The following PTBP3 variants were observed in gnomAD, a reference collection of about 807,000 sequenced individuals.
PTBP3 encodes polypyrimidine tract-binding protein 3.
In PTBP3, 20 loss-of-function variants were observed where a neutral mutation model predicts 58.7. The ratio of observed to expected loss-of-function variants is 0.34; its 90% CI spans 0.24 to 0.50. PTBP3 has a LOEUF of 0.50. Among genes scored for constraint, PTBP3 ranks in the 20% least tolerant of loss-of-function variants. The pLI is 0.98. For synonymous variants in PTBP3, 185 were observed against 219.8 expected, an observed-to-expected ratio of 0.84 and a Z score of 1.40; for missense variants, 509 against 637.2, an observed-to-expected ratio of 0.80 and a Z score of 2.17.
chr9:112,277,054 A>C (rs181911329), intron 2 of PTBP3, among the ~76,000 whole-genome samples: 4 of 152,312 alleles, frequency 2.6e-5, no homozygotes, highest in Non-Finnish European at 5.9e-5. Flanking sequence ...CTGTAACCCT[A>C]AACAAATTTC....
intron 2 of PTBP3, among the ~76,000 whole-genome samples, chr9:112,292,423 CT>C (rs1239169713): frequency 6.6e-6 from 1 of 152,150 alleles, no homozygotes; most frequent in African/African-American, 2.4e-5. Flanking sequence ...AATCTCACTT[CT>C]GGTATATACC....
chr9:112,233,845 C>T (rs186782543), intron 8 of PTBP3, among the ~76,000 whole-genome samples: 2 of 152,096 alleles, frequency 1.3e-5, no homozygotes, highest in African/African-American at 4.8e-5. Context: ...GCATGAGAAT[C>T]ATTTGAACCC....
In PTBP3 at chr9:112,290,222, CAATAG is replaced by C. The variant is rs533796890; in HGVS notation, c.34+7605_34+7609del. ...AGTTAAAGAGAAAAAGCAAACAACC[CAATAG>C]AAGAATAGGCAAAAGATCTCAGTAG... On this transcript the variant is annotated intron_variant, in intron 2 of 13. Transcript: ENST00000374257. 2.6e-3 allele frequency among the ~76,000 whole-genome samples: 392 copies of C among 152,004 alleles called. 1 individual carries two copies. The highest frequency in any genetic ancestry group is 8.9e-3 in the African/African-American group (370 of 41,442).
the PTBP3 span, among the ~76,000 whole-genome samples, chr9:112,343,270 G>A: frequency 1.3e-5 from 2 of 150,654 alleles, no homozygotes; most frequent in Non-Finnish European, 2.9e-5. Context: ...GTGCAATGGT[G>A]TGATCTCAGC....
At chr9:112,315,375 A>G (rs1468089503) in intron 1 of PTBP3, among the ~76,000 whole-genome samples, 1 of 152,184 alleles carries the variant, frequency 6.6e-6, no homozygotes, top group Admixed American at 6.5e-5. Context: ...ATAAAAAATC[A>G]TGGGCCAAAA....
chr9:112,274,359 AAC>A (rs1425490668), intron 3 of PTBP3, among the ~76,000 whole-genome samples: 2 of 152,210 alleles, frequency 1.3e-5, no homozygotes, highest in Non-Finnish European at 1.5e-5. Context: ...AAGCAGATGA[AAC>A]ACAGTAATAC....
chr9:112,339,503 ATTG>A, the PTBP3 span, among the ~76,000 whole-genome samples: 5 of 150,360 alleles, frequency 3.3e-5, no homozygotes, highest in Admixed American at 2.7e-4. Flanking sequence ...AATCTCTTGG[ATTG>A]TTGTTATTTT....
At chr9:112,250,393 C>T (rs909388827) in intron 7 of PTBP3, among the ~76,000 whole-genome samples, 5 of 152,090 alleles carry the variant, frequency 3.3e-5, no homozygotes, top group Non-Finnish European at 7.4e-5. Flanking sequence ...CTACAATTTG[C>T]AGAGACAATT....
chr9:112,267,735 G>A (rs1349464628), intron 4 of PTBP3, among the ~76,000 whole-genome samples: 2 of 150,300 alleles, frequency 1.3e-5, no homozygotes, highest in African/African-American at 4.8e-5. Context: ...TTTTGTTAGA[G>A]TCTGTAAAAA....
At chr9:112,369,464 G>T in the PTBP3 span, among the ~76,000 whole-genome samples, 1 of 152,298 alleles carries the variant, frequency 6.6e-6, no homozygotes, top group South Asian at 2.1e-4. Flanking sequence ...GCAGCTTTAA[G>T]ATTTGACTAT....
At chr9:112,378,073 T>G in the PTBP3 span, among the ~76,000 whole-genome samples, 2 of 151,036 alleles carry the variant, frequency 1.3e-5, no homozygotes, top group African/African-American at 4.9e-5. Context: ...TTATTCACCT[T>G]CCAAAATGAA....
the PTBP3 span, among the ~76,000 whole-genome samples, chr9:112,369,916 T>C: frequency 2.0e-5 from 3 of 152,124 alleles, no homozygotes; most frequent in Non-Finnish European, 4.4e-5. Context: ...TTTCTCATGA[T>C]AGTGAATAAA....
At chr9:112,263,695 C>T (rs1836688052) in intron 4 of PTBP3, among the ~76,000 whole-genome samples, 1 of 152,122 alleles carries the variant, frequency 6.6e-6, no homozygotes, top group Non-Finnish European at 1.5e-5. Flanking sequence ...GGTCCATTAG[C>T]AAAACATAAA....
chr9:112,301,953 C>T (rs1828953064), intron 1 of PTBP3, among the ~76,000 whole-genome samples: 1 of 151,948 alleles, frequency 6.6e-6, no homozygotes, highest in East Asian at 1.9e-4. Flanking sequence ...CAAAGGATTC[C>T]TACTGGCTTG....
At chr9:112,370,371 A>T in the PTBP3 span, among the ~76,000 whole-genome samples, 2 of 152,076 alleles carry the variant, frequency 1.3e-5, no homozygotes, top group Non-Finnish European at 2.9e-5. Context: ...GCAAAACCCT[A>T]TCTCCACCAG....
chr9:112,299,896 G>C (rs1416615070), intron 1 of PTBP3, among the ~76,000 whole-genome samples: 1 of 152,180 alleles, frequency 6.6e-6, no homozygotes, highest in Non-Finnish European at 1.5e-5. Context: ...CTGATTCTCA[G>C]AATAACAAGT....
chr9:112,226,193 T>C (rs1254179267), intron 12 of PTBP3, among the ~76,000 whole-genome samples: 1 of 152,068 alleles, frequency 6.6e-6, no homozygotes, highest in African/African-American at 2.4e-5. Flanking sequence ...TCTACTTTTT[T>C]TTTTTTTCCT....
rs552904284 is a variant in PTBP3 at position 112,322,624 on chromosome 9, TACA to T, written c.-52+10843_-52+10845del. Among the ~76,000 whole-genome samples, 172 of 152,364 alleles carry T rather than the reference TACA, an allele frequency of 1.1e-3. 1 individual carries two copies. The highest frequency in any genetic ancestry group is 3.9e-3 in the African/African-American group (163 of 41,594). Reference sequence around the variant, plus strand: ...TTTTACCTCAGTTCCTATTCTCTGATACAACATGTCTGGCTTTCAACAAAAAAT... The same window carrying T: ...TTTTACCTCAGTTCCTATTCTCTGATACATGTCTGGCTTTCAACAAAAAAT... On this transcript the variant is annotated intron_variant, in intron 1 of 13. Transcript: ENST00000374257.
At chr9:112,333,654 A>ACCGCCGCGCCC (rs1340140874), upstream of PTBP3, 12 of 584,580 alleles carry the variant, frequency 2.1e-5, no homozygotes, top group East Asian at 2.9e-4. Flanking sequence ...CGCTCCCGCC[A>ACCGCCGCGCCC]CCGCCGCGCC....
Sources: allele counts gnomAD v4.1 joint callset (sites outside exome capture counted in the v4.1 genomes callset), GRCh38; gene constraint gnomAD v4.1.1; transcripts MANE v1.5; gene names NCBI Gene and HGNC (gene_info 2026-07-23, HGNC 2026-07-21).